Variants in NCAM2 observed in about 807,000 individuals in gnomAD.
NCAM2 encodes the protein neural cell adhesion molecule 2, also known as N-CAM-2.
Under a neutral mutation model 98.1 loss-of-function variants are expected in NCAM2, and 30 were observed. The ratio of observed to expected loss-of-function variants is 0.31; its 90% CI spans 0.23 to 0.41. The LOEUF is 0.41. Ranked by LOEUF, NCAM2 falls within the 10% of genes least tolerant of loss-of-function variation. The pLI is 1.00. For synonymous variants in NCAM2, 368 were observed against 342.4 expected (o/e 1.07, Z -0.83); for missense variants, 867 against 1,005.8 (o/e 0.86, Z 1.87).
chr21:21,445,725 C>T (rs368551845), intron 12 of NCAM2, among the ~76,000 whole-genome samples: 11 of 152,010 alleles, frequency 7.2e-5, no homozygotes, highest in African/African-American at 2.7e-4. Flanking sequence ...TGCCTTTGCA[C>T]GTGAGATGGG....
At chr21:21,490,877 T>A (rs1482240544) in intron 15 of NCAM2, among the ~76,000 whole-genome samples, 1 of 152,014 alleles carries the variant, frequency 6.6e-6, no homozygotes, top group South Asian at 2.1e-4. Flanking sequence ...TATCCAGCAC[T>A]GTGTGTAATC....
chr21:21,433,349 G>A (rs1167561823), intron 12 of NCAM2, among the ~76,000 whole-genome samples: 1 of 152,082 alleles, frequency 6.6e-6, no homozygotes, highest in Non-Finnish European at 1.5e-5. Flanking sequence ...CAAAAACAAT[G>A]AGTGAGACGA....
intron 1 of NCAM2, among the ~76,000 whole-genome samples, chr21:21,217,142 G>A (rs1004786914): frequency 6.6e-6 from 1 of 152,110 alleles, no homozygotes; most frequent in Non-Finnish European, 1.5e-5. Context: ...TGCTGTCATG[G>A]TATGTGAGAC....
intron 1 of NCAM2, among the ~76,000 whole-genome samples, chr21:21,062,380 A>C (rs574203233): frequency 6.6e-6 from 1 of 152,296 alleles, no homozygotes; most frequent in South Asian, 2.1e-4. Flanking sequence ...TTTCAATTCC[A>C]ATCACAGTAA....
intron 1 of NCAM2, among the ~76,000 whole-genome samples, chr21:21,256,441 C>T (rs907200242): frequency 2.0e-5 from 3 of 152,150 alleles, no homozygotes; most frequent in Non-Finnish European, 4.4e-5. Context: ...TACTCCTGTT[C>T]GTTGCCTGTA....
In NCAM2 at chr21:21,114,800, C is replaced by T. The variant is rs151263828; in HGVS notation, c.55+116182C>T. 7.3e-3 allele frequency among the ~76,000 whole-genome samples: 1,108 copies of T among 150,776 alleles called. 20 individuals carry two copies. Among genetic ancestry groups the T allele is most frequent in the African/African-American group, 0.025 (1,039 of 40,992 alleles). On this transcript the variant is annotated intron_variant, in intron 1 of 17. Coordinates refer to ENST00000400546, the MANE Select transcript of NCAM2 (RefSeq NM_004540.5). ...TAAACAAAACAAAACAAACCTGATT[C>T]GCTCATTATGTCTATTAAATTCTGA...
chr21:21,123,384 G>A (rs73332361), intron 1 of NCAM2, among the ~76,000 whole-genome samples: 230 of 130,262 alleles, frequency 1.8e-3, no homozygotes, highest in African/African-American at 6.0e-3. Context: ...GAGACAGAGC[G>A]AAGAGACTCC....
At chr21:21,320,454 A>C (rs1466008735) in intron 5 of NCAM2, among the ~76,000 whole-genome samples, 1 of 152,184 alleles carries the variant, frequency 6.6e-6, no homozygotes, top group African/African-American at 2.4e-5. Flanking sequence ...ATAGCACTTT[A>C]AATTGATCAC....
chr21:21,121,546 TCTTC>T (rs1354259912), intron 1 of NCAM2, among the ~76,000 whole-genome samples: 1 of 152,222 alleles, frequency 6.6e-6, no homozygotes, highest in Non-Finnish European at 1.5e-5. Flanking sequence ...AAGGGTTTAT[TCTTC>T]CTTCTGTGTC....
chr21:21,260,975 A>G (rs1376184911), intron 1 of NCAM2, among the ~76,000 whole-genome samples: 1 of 152,174 alleles, frequency 6.6e-6, no homozygotes, highest in African/African-American at 2.4e-5. Flanking sequence ...TCTCATGTGT[A>G]TTGATGCCCA....
At chr21:21,289,387 G>A (rs141800589) in intron 4 of NCAM2, among the ~76,000 whole-genome samples, 1 of 151,954 alleles carries the variant, frequency 6.6e-6, no homozygotes, top group African/African-American at 2.4e-5. Context: ...CTATGATAAC[G>A]AAATTGTGGT....
rs1569079837 is a variant in NCAM2 at position 21,452,988 on chromosome 21, TTATATTATATA to T, written c.1655-13617_1655-13607del. On this transcript the variant is annotated intron_variant, in intron 12 of 17. Coordinates refer to ENST00000400546, the MANE Select transcript of NCAM2 (RefSeq NM_004540.5). Reference sequence around the variant, plus strand: ...ATTATATATTATTATATATTATATATTATATTATATAATATATAATATATAAAAATATATAA... The same window carrying T: ...ATTATATATTATTATATATTATATATATATATAATATATAAAAATATATAA... 1.1e-4 allele frequency among the ~76,000 whole-genome samples: 10 copies of T among 90,034 alleles called. No homozygotes were observed. The South Asian group carries it at 3.0e-3, about 27-fold the overall frequency. The allele number at this position is 90,034 out of a possible 152,430, so 59.1% of individuals were successfully genotyped here. A position where few individuals can be genotyped will look rare whatever the true frequency, so the allele number is the denominator to read the frequency against.
At chr21:21,249,478 C>G in intron 1 of NCAM2, among the ~76,000 whole-genome samples, 1 of 152,116 alleles carries the variant, frequency 6.6e-6, no homozygotes, top group East Asian at 1.9e-4. Flanking sequence ...AGGATGAGCT[C>G]CATCTTCAGG....
At chr21:21,049,607 C>T (rs1240556041) in intron 1 of NCAM2, among the ~76,000 whole-genome samples, 1 of 151,892 alleles carries the variant, frequency 6.6e-6, no homozygotes, top group Non-Finnish European at 1.5e-5. Flanking sequence ...CGTGGGGGCT[C>T]ACACCTATAA....
chr21:21,239,869 T>G (rs1601735032), intron 1 of NCAM2, among the ~76,000 whole-genome samples: 2 of 152,172 alleles, frequency 1.3e-5, no homozygotes, highest in East Asian at 3.9e-4. Flanking sequence ...TGTCTATATT[T>G]ATATAAATGC....
chr21:21,212,420 T>C (rs1361640516), intron 1 of NCAM2, among the ~76,000 whole-genome samples: 1 of 152,060 alleles, frequency 6.6e-6, no homozygotes, highest in African/African-American at 2.4e-5. Context: ...AGGAAATGAG[T>C]GTGAGTACAA....
At chr21:21,145,534 A>G (rs1224446807) in intron 1 of NCAM2, among the ~76,000 whole-genome samples, 1 of 152,176 alleles carries the variant, frequency 6.6e-6, no homozygotes. Context: ...AAATAGGCAT[A>G]CTTTTTATAT....
At chr21:21,029,663 G>C (rs1009565680) in intron 1 of NCAM2, among the ~76,000 whole-genome samples, 1 of 151,664 alleles carries the variant, frequency 6.6e-6, no homozygotes. Flanking sequence ...ATGGAGTCTC[G>C]CTCTGTTGCC....
chr21:21,205,331 G>A (rs2069397247), intron 1 of NCAM2, among the ~76,000 whole-genome samples: 1 of 152,086 alleles, frequency 6.6e-6, no homozygotes, highest in South Asian at 2.1e-4. Context: ...CTTTAAAATT[G>A]TATTTTAATT....
Sources: allele counts gnomAD v4.1 joint callset (sites outside exome capture counted in the v4.1 genomes callset), GRCh38; gene constraint gnomAD v4.1.1; transcripts MANE v1.5; gene names NCBI Gene and HGNC (gene_info 2026-07-23, HGNC 2026-07-21).